Variants in FAT1 observed in about 807,000 individuals in gnomAD.
The protein encoded by FAT1 is protocadherin Fat 1.
In FAT1, 171 loss-of-function variants were observed where a neutral mutation model predicts 329.8. The ratio of observed to expected loss-of-function variants is 0.52; its 90% CI spans 0.46 to 0.59. The LOEUF (loss-of-function observed/expected upper bound fraction) is 0.59. Ranked by LOEUF, FAT1 falls within the 20% of genes least tolerant of loss-of-function variation. The probability of loss-of-function intolerance (pLI) is 0.00; values close to 1 mark genes in which losing one functional copy is unlikely to be tolerated. For synonymous variants in FAT1, 2,233 were observed against 2,228.6 expected (o/e 1.00, Z -0.06); for missense variants, 5,672 against 5,774.4 (o/e 0.98, Z 0.57).
At chr4:186,665,559 T>C (rs1351004507) in intron 2 of FAT1, among the ~76,000 whole-genome samples, 1 of 152,166 alleles carries the variant, frequency 6.6e-6, no homozygotes. Flanking sequence ...TCTTGTAAAT[T>C]TGTTTGAGTT....
At chr4:186,643,729 C>G (rs1007290513) in intron 3 of FAT1, among the ~76,000 whole-genome samples, 1 of 152,024 alleles carries the variant, frequency 6.6e-6, no homozygotes, top group Non-Finnish European at 1.5e-5. Flanking sequence ...GACAATCTAC[C>G]GAGTGTGTTC....
chr4:186,714,588 C>A (rs879887659), intron 1 of FAT1, among the ~76,000 whole-genome samples: 7 of 151,016 alleles, frequency 4.6e-5, no homozygotes, highest in Admixed American at 2.6e-4. Context: ...AGAGAGCAGG[C>A]AGAAGAAAAA....
intron 16 of FAT1, among the ~76,000 whole-genome samples, chr4:186,608,387 G>A (rs900239362): frequency 2.6e-5 from 4 of 151,934 alleles, no homozygotes; most frequent in African/African-American, 9.7e-5. Flanking sequence ...TATTTTTTTT[G>A]TTGTTGTATT....
chr4:186,608,718 G>A (rs1030948699), intron 16 of FAT1, among the ~76,000 whole-genome samples: 7 of 152,150 alleles, frequency 4.6e-5, no homozygotes, highest in African/African-American at 7.2e-5. Flanking sequence ...AATAACCTGT[G>A]TGTAAAATAC....
chr4:186,654,328 C>G (rs920687922), intron 3 of FAT1, among the ~76,000 whole-genome samples: 2 of 152,170 alleles, frequency 1.3e-5, no homozygotes, highest in African/African-American at 2.4e-5. Flanking sequence ...TGACTCCTAA[C>G]GAAAGTTCTG....
rs3083333 is a variant in FAT1, at chr4:186,686,238, A to ACCC, written c.3265+20322_3265+20324dup. On this transcript the variant is annotated intron_variant, in intron 2 of 26. Coordinates refer to ENST00000441802, the MANE Select transcript of FAT1 (RefSeq NM_005245.4). ...GCACCATAATTATTTGAGAATTTTCACCCCCCCCCGACATTCTGAAGAAAA... is the reference window on the plus strand; with the variant it reads ...GCACCATAATTATTTGAGAATTTTCACCCCCCCCCCCCGACATTCTGAAGAAAA... Among the ~76,000 whole-genome samples the ACCC allele has an allele frequency of 3.2e-4, 45 of 140,080 alleles. No homozygotes were observed. The East Asian group carries it at 4.1e-3, about 13-fold the overall frequency. 91.9% of individuals were successfully genotyped at this position (140,080 alleles called of 152,430 possible).
At chr4:186,611,159 C>T (rs1195956670) in intron 14 of FAT1, among the ~76,000 whole-genome samples, 1 of 152,060 alleles carries the variant, frequency 6.6e-6, no homozygotes, top group Admixed American at 6.6e-5. Flanking sequence ...AGTTAATTTG[C>T]TTGTATTTTA....
At chr4:186,594,674 AAGTATATATATATATAT>A (rs1738411393) in intron 26 of FAT1, among the ~76,000 whole-genome samples, 1 of 83,092 alleles carries the variant, frequency 1.2e-5, no homozygotes, top group Non-Finnish European at 2.3e-5. Flanking sequence ...ATATACTTGA[AAGTATATATATATATAT>A]ATATATATAC....
At chr4:186,723,606 C>A (rs912379401) in intron 1 of FAT1, 58 bp downstream of exon 1, 1 of 152,170 alleles carries the variant, frequency 6.6e-6, no homozygotes, top group African/African-American at 2.4e-5. Flanking sequence ...AGAGTCCGCA[C>A]CGCAGCGCGC....
Position 186,708,536 on chromosome 4 carries a change from G to T in FAT1, c.1292C>A (p.Ala431Glu), listed in dbSNP as rs754212537. The T allele has an allele frequency of 6.2e-7, 1 of 1,613,970 alleles. No individual in the cohort carries two copies. The highest frequency in any genetic ancestry group is 2.2e-5 in the East Asian group (1 of 44,876). The change falls in exon 2 of 27, where the codon GCA becomes GAA. Residue 431 changes from alanine to glutamate, a missense_variant. Coordinates refer to ENST00000441802, the MANE Select transcript of FAT1 (RefSeq NM_005245.4). ...TGTTACTTCAAGTTCAAAATGGGCTGCCTGCTGTCTTTTAACTGGTTCTAA... is the reference window on the plus strand; with the variant it reads ...TGTTACTTCAAGTTCAAAATGGGCTTCCTGCTGTCTTTTAACTGGTTCTAA... ...SILEPVKRQQ[A>E]AHFELEVTTS... is the part of the protein sequence containing the mutation.
intron 9 of FAT1, among the ~76,000 whole-genome samples, chr4:186,627,318 G>C (rs898287733): frequency 6.6e-6 from 1 of 152,096 alleles, no homozygotes; most frequent in Admixed American, 6.5e-5. Flanking sequence ...CAGAATGAAT[G>C]AATGAGTGAC....
rs1439002284 is a variant in FAT1 at position 186,617,717 on chromosome 4, A to G, written c.8869T>C (p.Phe2957Leu). 2 of 1,562,114 alleles carry G rather than the reference A, an allele frequency of 1.3e-6. No homozygotes were observed. The highest frequency in any genetic ancestry group is 2.4e-5 in the South Asian group (2 of 82,562). ...TATGAATTTTTTTTACCTGTTATGA[A>G]ATATGTAACTTGTCTGTTGATCTCT... ...SEEINRQVTY[F>L]ITGGDPLGQF... Residue 2957 changes from phenylalanine (F) to leucine (L), a missense_variant, in exon 10 of 27, where the codon TTC (phenylalanine) becomes CTC (leucine). Physicochemically the swap from Phe to Leu is conservative, Grantham distance 22 (BLOSUM62 0). This residue lies in a region of FAT1 where 3,966 missense variants were observed against 3,915.2 expected (regional missense o/e 1.01). Coordinates refer to ENST00000441802, the MANE Select transcript of FAT1 (RefSeq NM_005245.4).
In FAT1 at chr4:186,709,599, C is replaced by G. The variant is rs377496399; in HGVS notation, c.229G>C (p.Gly77Arg). ...AWEVRYKIVS[G>R]DSENLFKAEE... ...GCTTTGAACAGGTTTTCACTGTCTC[C>G]GGAAACAATTTTGTACCTTACTTCC... The change falls in exon 2 of 27, where the codon GGA (glycine) becomes CGA (arginine). Residue 77 changes from glycine to arginine, a missense_variant. Around this residue, in one of 2 missense-constraint regions of FAT1, gnomAD observed 3,966 missense variants for 3,915.2 expected, o/e 1.01. Coordinates refer to ENST00000441802, the MANE Select transcript of FAT1 (RefSeq NM_005245.4). 1 of 1,613,930 alleles carries G rather than the reference C, an allele frequency of 6.2e-7. No individual in the cohort carries two copies.
intron 2 of FAT1, among the ~76,000 whole-genome samples, chr4:186,698,708 G>A (rs75128406): frequency 0.041 from 6,306 of 152,306 alleles, 159 homozygotes; most frequent in Non-Finnish European, 0.065. Flanking sequence ...AGGGAAGCAC[G>A]GGTGATGTTA....
chr4:186,629,242 A>G (rs1740472325), intron 7 of FAT1, among the ~76,000 whole-genome samples: 1 of 152,206 alleles, frequency 6.6e-6, no homozygotes, highest in Non-Finnish European at 1.5e-5. Context: ...GCCCCTGATC[A>G]TAGGTTTTTT....
chr4:186,715,547 AAAACAATGGCTGTGGC>A (rs1260586003), intron 1 of FAT1, among the ~76,000 whole-genome samples: 2 of 152,244 alleles, frequency 1.3e-5, no homozygotes, highest in African/African-American at 2.4e-5. Context: ...CACCCTGATC[AAAACAATGGCTGTGGC>A]TCTCATGCAA....
In FAT1 at chr4:186,597,774, G is replaced by A. The variant is rs2126399957; in HGVS notation, c.12276C>T (p.Tyr4092=). The A allele has an allele frequency of 1.2e-6, 2 of 1,613,736 alleles. No individual in the cohort carries two copies. Among genetic ancestry groups the A allele is most frequent in the Non-Finnish European group, 1.7e-6 (2 of 1,179,718 alleles). Reference sequence around the variant, plus strand: ...CATTCTTACAGGGTTCATCTTTGCAGTATGGACTAAGCTGACACCTGAAGA... The same window carrying A: ...CATTCTTACAGGGTTCATCTTTGCAATATGGACTAAGCTGACACCTGAAGA... ...YTGQRCQLSP[Y]CKDEPCKNGG... Residue 4092 remains tyrosine, a synonymous_variant, in exon 24 of 27, where the codon TAC becomes TAT. Coordinates refer to ENST00000441802, the MANE Select transcript of FAT1 (RefSeq NM_005245.4).
At chr4:186,710,357 A>G (rs535148081) in intron 1 of FAT1, among the ~76,000 whole-genome samples, 3 of 152,236 alleles carry the variant, frequency 2.0e-5, no homozygotes, top group East Asian at 1.9e-4. Context: ...ATGGCGCTCC[A>G]TAAGAACAGC....
chr4:186,690,386 C>T lies in FAT1; in HGVS notation c.3265+16177G>A, dbSNP rs371284315. On this transcript the variant is annotated intron_variant, in intron 2 of 26. Coordinates refer to ENST00000441802, the MANE Select transcript of FAT1 (RefSeq NM_005245.4). ...AGACGTAGCTCTAGGTCACTTATTTCGTGTACGTCATTCACAGAAGAAAAT... is the reference window on the plus strand; with the variant it reads ...AGACGTAGCTCTAGGTCACTTATTTTGTGTACGTCATTCACAGAAGAAAAT... 2.4e-4 allele frequency among the ~76,000 whole-genome samples: 37 copies of T among 152,274 alleles called. No individual in the cohort carries two copies. The East Asian group carries it at 3.1e-3, about 13-fold the overall frequency.
Sources: allele counts gnomAD v4.1 joint callset (sites outside exome capture counted in the v4.1 genomes callset), GRCh38; gene constraint gnomAD v4.1.1; regional missense constraint gnomAD v4.1.1; transcripts MANE v1.5; gene names NCBI Gene and HGNC (gene_info 2026-07-23, HGNC 2026-07-21).